Variants in ADGRF3 observed in about 807,000 individuals in gnomAD.
The protein encoded by ADGRF3 is adhesion G protein-coupled receptor F3, also known as G protein-coupled receptor 113.
Under a neutral mutation model 93.2 loss-of-function variants are expected in ADGRF3, and 85 were observed. That is an observed-to-expected ratio of 0.91 (90% CI 0.77 to 1.09). The LOEUF (loss-of-function observed/expected upper bound fraction) is 1.09, where lower values mean the gene tolerates loss of function less well. Among genes scored for constraint, ADGRF3 ranks in the 50% least tolerant of loss-of-function variants. ADGRF3 has a pLI of 0.00. For missense variants in ADGRF3, 1,125 were observed against 1,246.2 expected, an observed-to-expected ratio of 0.90 and a Z score of 1.46; for synonymous variants, 534 against 532.5, an observed-to-expected ratio of 1.00 and a Z score of -0.04.
chr2:26,341,502 C>G (rs938390263), intron 1 of ADGRF3, among the ~76,000 whole-genome samples: 2 of 152,122 alleles, frequency 1.3e-5, no homozygotes, highest in African/African-American at 4.8e-5. Flanking sequence ...CATTATATTG[C>G]GTAGACTTTT....
chr2:26,315,709 C>T lies in ADGRF3; in HGVS notation c.531G>A (p.Leu177=), dbSNP rs1674589602. The T allele has an allele frequency of 1.9e-6, 3 of 1,551,350 alleles. No individual in the cohort carries two copies. Among genetic ancestry groups the T allele is most frequent in the Non-Finnish European group, 1.7e-6 (2 of 1,146,980 alleles). ...GGCTCAGCGTGTCACCAGGCATCTG[C>T]AGCTGGGAGTTCAGGTTGAGGATCC... The part of the protein sequence containing the change: ...VPGILNLNSQ[L]QMPGDTLSLT... Residue 177 remains leucine (L), a synonymous_variant, in exon 5 of 14, where the codon CTG becomes CTA. Transcript: ENST00000651242.
intron 1 of ADGRF3, among the ~76,000 whole-genome samples, chr2:26,333,018 T>C (rs541484469): frequency 1.3e-5 from 2 of 152,320 alleles, no homozygotes; most frequent in African/African-American, 4.8e-5. Flanking sequence ...AATTCAAACT[T>C]GAATGCCTAA....
rs1169214247 is a variant in ADGRF3 at position 26,311,538 on chromosome 2, G to T, written c.1986C>A (p.Ser662=). ...HSLFQGRGGW[S]KEGCQAQVAS... is the part of the protein sequence containing the mutation. The stretch of plus-strand genomic sequence containing the variant: ...CCACCTGTGCCTGGCACCCTTCTTT[G>T]GACCAACCCCCCCTGCCCTGGAAGA... The change falls in exon 10 of 14, where the codon TCC becomes TCA. Residue 662 remains serine, a synonymous_variant. Transcript: ENST00000651242. 1 of 1,613,808 alleles carries T rather than the reference G, an allele frequency of 6.2e-7. No individual in the cohort carries two copies. Among genetic ancestry groups the T allele is most frequent in the Non-Finnish European group, 8.5e-7 (1 of 1,179,716 alleles).
Position 26,316,446 on chromosome 2 carries a change from A to C in ADGRF3, c.328T>G (p.Cys110Gly). The change falls in exon 4 of 14, where the codon TGT (cysteine) becomes GGT (glycine). Residue 110 changes from cysteine (C) to glycine (G), a missense_variant and splice_region_variant. Transcript: ENST00000651242. Reference protein sequence around the residue: ...LLTGLRLTTECNVNHKGNFYC... With the variant: ...LLTGLRLTTEGNVNHKGNFYC... ...AAATTCCCCTTGTGGTTGACATTAC[A>C]CTCTGACAGAGAGAAGAGAAGAGGG... 2 of 1,551,266 alleles carry C rather than the reference A, an allele frequency of 1.3e-6. No homozygotes were observed. The highest frequency in any genetic ancestry group is 1.7e-6 in the Non-Finnish European group (2 of 1,146,790).
intron 1 of ADGRF3, among the ~76,000 whole-genome samples, chr2:26,335,122 A>G (rs187147552): frequency 1.3e-5 from 2 of 152,308 alleles, no homozygotes; most frequent in Admixed American, 1.3e-4. Flanking sequence ...ATTTTGTGCA[A>G]TCTTCATCAC....
chr2:26,316,263 A>C lies in ADGRF3; in HGVS notation c.499+12T>G. ...TAAGGCCATTGGTTTCCAAGTTCCC[A>C]ACCTTCCTCACCAGGTGGCAGCAAC... On this transcript the variant is annotated intron_variant, in intron 4 of 13. Transcript: ENST00000651242. 6.5e-7 allele frequency: 1 copy of C among 1,549,934 alleles called. No individual in the cohort carries two copies. The highest frequency in any genetic ancestry group is 8.7e-7 in the Non-Finnish European group (1 of 1,146,216).
At chr2:26,346,065 G>T in intron 1 of ADGRF3, 56 bp downstream of exon 1, 1 of 1,507,196 alleles carries the variant, frequency 6.6e-7, no homozygotes, top group Non-Finnish European at 8.9e-7. Flanking sequence ...CTGAGAGGCG[G>T]CCGAAGGGGC....
intron 1 of ADGRF3, among the ~76,000 whole-genome samples, chr2:26,330,396 CCT>C (rs1462381860): frequency 6.6e-6 from 1 of 152,142 alleles, no homozygotes; most frequent in Non-Finnish European, 1.5e-5. Flanking sequence ...CCCTGGGACT[CCT>C]CTTTTTGGTT....
chr2:26,309,566 A>C lies in ADGRF3; in HGVS notation c.2953T>G (p.Cys985Gly), dbSNP rs781106463. ...CCTCCTTTGCTGTGTTCCAAGATGC[A>C]GCCTTCATTTGTGGCCTAGGAAGGG... ...STISLATNEG[C>G]ILEHSKGGSD... Residue 985 changes from cysteine to glycine, a missense_variant, in exon 13 of 14, where the codon TGC (cysteine) becomes GGC (glycine). Physicochemically the swap from Cys to Gly is radical, Grantham distance 159 (BLOSUM62 -3). Transcript: ENST00000651242. The C allele has an allele frequency of 6.2e-7, 1 of 1,612,798 alleles. No homozygotes were observed. Among genetic ancestry groups the C allele is most frequent in the Non-Finnish European group, 8.5e-7 (1 of 1,179,564 alleles).
intron 1 of ADGRF3, chr2:26,318,238 C>CTGCGTG (rs974501805): frequency 1.9e-5 from 12 of 643,620 alleles, no homozygotes; most frequent in Admixed American, 9.5e-5. Context: ...CTATATGCAC[C>CTGCGTG]TGCGTGTGCG....
At chr2:26,310,513 G>A (rs775795453) in intron 10 of ADGRF3, among the ~76,000 whole-genome samples, 179 bp downstream of exon 10, 7 of 152,212 alleles carry the variant, frequency 4.6e-5, no homozygotes, top group Non-Finnish European at 8.8e-5. Context: ...GAGAGGTTAT[G>A]TAATTTGTCC....
chr2:26,316,469 G>A, intron 3 of ADGRF3, 21 bp from the exon 4 acceptor site: 1 of 1,548,792 alleles, frequency 6.5e-7, no homozygotes, highest in Non-Finnish European at 8.7e-7. Context: ...GAAGAGAAGA[G>A]GGGGTGGGCA....
chr2:26,319,153 A>G, intron 1 of ADGRF3: 3 of 1,244,396 alleles, frequency 2.4e-6, no homozygotes, highest in Non-Finnish European at 3.3e-6. Context: ...GGAGGGAGCC[A>G]GGGCTGAATT....
chr2:26,340,814 G>A (rs1340805220), intron 1 of ADGRF3, among the ~76,000 whole-genome samples: 1 of 152,118 alleles, frequency 6.6e-6, no homozygotes, highest in African/African-American at 2.4e-5. Flanking sequence ...ACTTTGCCCA[G>A]TGTAAAACTT....
chr2:26,335,849 T>C (rs955901180), intron 1 of ADGRF3, among the ~76,000 whole-genome samples: 2 of 152,206 alleles, frequency 1.3e-5, no homozygotes, highest in African/African-American at 4.8e-5. Flanking sequence ...CCTGGAAGTA[T>C]ATTCTTTCAA....
rs766333600 is a variant in ADGRF3, at chr2:26,314,580, G to A, written c.762C>T (p.Asn254=). The change falls in exon 6 of 14, where the codon AAC becomes AAT. Residue 254 remains asparagine (N), a synonymous_variant. Coordinates refer to ENST00000651242, the MANE Select transcript of ADGRF3 (RefSeq NM_001321971.2). ...AGGGCACCCTCACCACCTCATACAGGTTCCACTTGAAGCCCTGGGCCTCGA... is the reference window on the plus strand; with the variant it reads ...AGGGCACCCTCACCACCTCATACAGATTCCACTTGAAGCCCTGGGCCTCGA... ...SCFEAQGFKW[N]LYEVVRVPLK... 2 of 1,614,032 alleles carry A rather than the reference G, an allele frequency of 1.2e-6. No individual in the cohort carries two copies. Among genetic ancestry groups the A allele is most frequent in the South Asian group, 2.2e-5 (2 of 91,088 alleles).
chr2:26,317,094 CGAGG>C, intron 2 of ADGRF3, 39 bp from the exon 3 acceptor site: 1 of 1,564,160 alleles, frequency 6.4e-7, no homozygotes. Context: ...GGACAGGCAG[CGAGG>C]CCACAAGCCG....
intron 6 of ADGRF3, among the ~76,000 whole-genome samples, chr2:26,314,147 G>A (rs1354973606): frequency 6.6e-6 from 1 of 152,214 alleles, no homozygotes; most frequent in Non-Finnish European, 1.5e-5. Flanking sequence ...TTTGTAAAAT[G>A]GAGACTACCA....
chr2:26,309,991 C>T, intron 12 of ADGRF3, 52 bp downstream of exon 12: 2 of 1,614,070 alleles, frequency 1.2e-6, no homozygotes, highest in South Asian at 2.2e-5. Flanking sequence ...CATGGAATGC[C>T]TTCTGACATG....
Sources: gnomAD v4.1 joint callset for allele counts (sites outside exome capture counted in the v4.1 genomes callset) on GRCh38, gnomAD v4.1.1 for gene constraint, MANE v1.5 for transcripts, NCBI Gene and HGNC (gene_info 2026-07-23, HGNC 2026-07-21) for gene names.